The following GAB1 variants were observed in gnomAD, a reference collection of about 807,000 sequenced individuals.
GAB1 encodes the protein GRB2 associated binding protein 1.
A neutral mutation model predicts 66.5 loss-of-function variants in GAB1; 19 were observed. The ratio of observed to expected loss-of-function variants is 0.29; its 90% confidence interval spans 0.20 to 0.42. GAB1 has a LOEUF of 0.42. Among genes scored for constraint, GAB1 ranks in the 10% least tolerant of loss-of-function variants. The probability of loss-of-function intolerance (pLI) is 1.00; values close to 1 mark genes in which losing one functional copy is unlikely to be tolerated. For missense variants in GAB1, 732 were observed against 858.5 expected (o/e 0.85, Z 1.84); for synonymous variants, 294 against 301.4 (o/e 0.98, Z 0.25).
At chr4:143,349,724 T>C in intron 1 of GAB1, 1 of 1,583,448 alleles carries the variant, frequency 6.3e-7, no homozygotes, top group Non-Finnish European at 8.6e-7. Flanking sequence ...GCCACCTCCT[T>C]GGAGCACTTA....
At chr4:143,456,926 A>T (rs1476298062) in intron 6 of GAB1, among the ~76,000 whole-genome samples, 1 of 152,236 alleles carries the variant, frequency 6.6e-6, no homozygotes, top group Non-Finnish European at 1.5e-5. Flanking sequence ...TATGTGGCAG[A>T]CATTAAGTGA....
Position 143,426,145 on chromosome 4 carries a change from C to CT in GAB1, c.368-7345dup, listed in dbSNP as rs199677711. On this transcript the variant is annotated intron_variant, in intron 2 of 9. Coordinates refer to ENST00000262994, the MANE Select transcript of GAB1 (RefSeq NM_002039.4). The stretch of plus-strand genomic sequence containing the variant: ...CTTCTATTTACTCAGGCCAGATTCT[C>CT]TAACAGAATATTTTTGAACTTGATT... The CT allele has an allele frequency of 2.3e-3, 922 of 407,202 alleles. 7 individuals are homozygous for CT. The highest frequency in any genetic ancestry group is 0.017 in the African/African-American group (847 of 49,246). 25.2% of individuals were successfully genotyped at this position (407,202 alleles called of 1,614,324 possible).
chr4:143,430,216 A>G (rs568101902), intron 2 of GAB1, among the ~76,000 whole-genome samples: 8 of 152,330 alleles, frequency 5.3e-5, no homozygotes, highest in Admixed American at 2.6e-4. Context: ...AAACAAGACA[A>G]TTGTCAGTGA....
chr4:143,428,993 TAATA>T (rs1035188137), intron 2 of GAB1, among the ~76,000 whole-genome samples: 7 of 152,270 alleles, frequency 4.6e-5, no homozygotes, highest in Admixed American at 1.3e-4. Context: ...ACTTAAAGTA[TAATA>T]AATAAAAATA....
In GAB1 at chr4:143,373,886, T is replaced by TATATATATATATATATA; in HGVS notation, c.72+36626_72+36627insATATATATATATATATA. Among the ~76,000 whole-genome samples, 94 of 128,206 alleles carry TATATATATATATATATA rather than the reference T, an allele frequency of 7.3e-4. 3 individuals are homozygous for TATATATATATATATATA. Among genetic ancestry groups the TATATATATATATATATA allele is most frequent in the Non-Finnish European group, 8.9e-4 (56 of 62,954 alleles). 84.1% of individuals were successfully genotyped at this position (128,206 alleles called of 152,430 possible). A position where few individuals can be genotyped will look rare whatever the true frequency, so the allele number is the denominator to read the frequency against. On this transcript the variant is annotated intron_variant, in intron 1 of 9. Transcript: ENST00000262994. Reference sequence around the variant, plus strand: ...ATAAATAAATATATATATATATATATTTTTACCTTTCTAACATTGCAGGGA... The same window carrying TATATATATATATATATA: ...ATAAATAAATATATATATATATATATATATATATATATATATATTTTACCTTTCTAACATTGCAGGGA...
intron 6 of GAB1, chr4:143,457,540 C>T (rs1338864241): frequency 2.0e-6 from 1 of 502,206 alleles, no homozygotes; most frequent in African/African-American, 2.0e-5. Context: ...ATATTCTCCA[C>T]AACAAACTTT....
intron 1 of GAB1, among the ~76,000 whole-genome samples, chr4:143,384,079 GA>G (rs953076346): frequency 2.7e-5 from 4 of 146,042 alleles, no homozygotes; most frequent in South Asian, 2.2e-4. Flanking sequence ...TCTCTAAAAA[GA>G]AAAAAAAAAG....
At chr4:143,411,050 G>A (rs535684134) in intron 1 of GAB1, among the ~76,000 whole-genome samples, 1 of 152,276 alleles carries the variant, frequency 6.6e-6, no homozygotes, top group East Asian at 1.9e-4. Context: ...AGGGGTGAGA[G>A]GCAGGACAGA....
At chr4:143,375,416 T>A (rs1730372662) in intron 1 of GAB1, among the ~76,000 whole-genome samples, 1 of 152,212 alleles carries the variant, frequency 6.6e-6, no homozygotes, top group Non-Finnish European at 1.5e-5. Context: ...CTTCTTGCCG[T>A]ATCTGAGCAC....
At chr4:143,356,522 A>G (rs1202096019) in intron 1 of GAB1, among the ~76,000 whole-genome samples, 1 of 152,088 alleles carries the variant, frequency 6.6e-6, no homozygotes, top group Middle Eastern at 3.2e-3. Flanking sequence ...TCAAAATGAA[A>G]CTCTGTATCC....
intron 4 of GAB1, among the ~76,000 whole-genome samples, chr4:143,439,337 G>A (rs925878282): frequency 2.0e-5 from 3 of 152,180 alleles, no homozygotes; most frequent in African/African-American, 7.2e-5. Flanking sequence ...TTTTGTGGTA[G>A]AGTTTTCCTC....
intron 1 of GAB1, among the ~76,000 whole-genome samples, chr4:143,347,121 C>T (rs1055636495): frequency 7.2e-5 from 11 of 152,126 alleles, no homozygotes; most frequent in African/African-American, 1.7e-4. Context: ...TATCATTCTT[C>T]GGTGTTTGTA....
Position 143,459,475 on chromosome 4 carries a change from G to C in GAB1, c.1676G>C (p.Arg559Pro). 6.6e-7 allele frequency: 1 copy of C among 1,508,756 alleles called. No individual in the cohort carries two copies. Among genetic ancestry groups the C allele is most frequent in the South Asian group, 1.1e-5 (1 of 89,002 alleles). The allele number at this position is 1,508,756 out of a possible 1,614,324, so 93.5% of individuals were successfully genotyped here. ...VRSPITRSFA[R>P]DSSRFPMSPR... ...TCTCCCATCACTAGGAGTTTTGCTC[G>C]AGAGTAAGTCCTTTGTCTAAAATAT... The change falls in exon 7 of 10, where the codon CGA becomes CCA. Residue 559 changes from arginine to proline, a missense_variant. Arg to Pro is a moderately radical substitution (Grantham distance 103). This residue lies in a region of GAB1 where 204 missense variants were observed against 276.8 expected (regional missense o/e 0.74). Transcript: ENST00000262994.
intron 2 of GAB1, among the ~76,000 whole-genome samples, chr4:143,418,937 A>G (rs1034899654): frequency 3.9e-5 from 6 of 152,130 alleles, no homozygotes; most frequent in Non-Finnish European, 8.8e-5. Context: ...CCTGACAAAC[A>G]CCCACTCTGC....
At chr4:143,424,981 G>A (rs568690004) in intron 2 of GAB1, 1 of 645,866 alleles carries the variant, frequency 1.5e-6, no homozygotes, top group Non-Finnish European at 2.8e-6. Context: ...AGGCCTTTCT[G>A]TGCTACCCAC....
intron 1 of GAB1, among the ~76,000 whole-genome samples, chr4:143,355,193 C>T (rs997719732): frequency 6.6e-6 from 1 of 152,102 alleles, no homozygotes; most frequent in African/African-American, 2.4e-5. Flanking sequence ...CTAGGAAATA[C>T]CCTGAGTCCA....
At chr4:143,368,902 A>G (rs1374599114) in intron 1 of GAB1, among the ~76,000 whole-genome samples, 2 of 152,070 alleles carry the variant, frequency 1.3e-5, no homozygotes, top group Non-Finnish European at 2.9e-5. Context: ...CTCCTGCCTT[A>G]GCCTCCCGAG....
In GAB1 at chr4:143,469,460, T is replaced by C. The variant is rs1735975956; in HGVS notation, c.*271T>C. On this transcript the variant is annotated 3_prime_UTR_variant, in exon 10 of 10. Transcript: ENST00000262994. ...ACAGTTAACACACTCGTAGTATTAC[T>C]GTATTTATGCACTTTTTCATCTAAA... 3.1e-6 allele frequency: 1 copy of C among 324,506 alleles called. No individual in the cohort carries two copies. Among genetic ancestry groups the C allele is most frequent in the Non-Finnish European group, 5.9e-6 (1 of 170,270 alleles). 20.1% of individuals were successfully genotyped at this position (324,506 alleles called of 1,614,324 possible). A position where few individuals can be genotyped will look rare whatever the true frequency, so the allele number is the denominator to read the frequency against.
intron 1 of GAB1, among the ~76,000 whole-genome samples, chr4:143,364,530 A>G (rs3805254): frequency 0.32 from 49,303 of 151,988 alleles, 8,226 homozygotes; most frequent in South Asian, 0.49. Flanking sequence ...TATGGGGAAA[A>G]CTGGATATGT....
Sources: gnomAD v4.1 joint callset for allele counts (sites outside exome capture counted in the v4.1 genomes callset) on GRCh38, gnomAD v4.1.1 for gene constraint, gnomAD v4.1.1 regional missense constraint, MANE v1.5 for transcripts, NCBI Gene and HGNC (gene_info 2026-07-23, HGNC 2026-07-21) for gene names.